The following RANBP2 variants were observed in gnomAD, a reference collection of about 807,000 sequenced individuals.
RANBP2 encodes the protein RAN binding protein 2.
In RANBP2, 57 loss-of-function variants were observed where a neutral mutation model predicts 303.6. The ratio of observed to expected loss-of-function variants is 0.19; its 90% CI spans 0.15 to 0.23. The LOEUF (loss-of-function observed/expected upper bound fraction) is 0.23, where lower values mean the gene tolerates loss of function less well. Ranked by LOEUF, RANBP2 falls within the 10% of genes least tolerant of loss-of-function variation. The probability of loss-of-function intolerance (pLI) is 1.00; values close to 1 mark genes in which losing one functional copy is unlikely to be tolerated. For missense variants in RANBP2, 3,138 were observed against 3,780.8 expected, an observed-to-expected ratio of 0.83 and a Z score of 4.46; for synonymous variants, 1,167 against 1,301.5, an observed-to-expected ratio of 0.90 and a Z score of 2.23.
chr2:108,930,967 C>G, the RANBP2 span: 1 of 1,613,916 alleles, frequency 6.2e-7, no homozygotes, highest in African/African-American at 1.3e-5. Flanking sequence ...CACTTACCAC[C>G]AGGACGGGGA....
chr2:108,818,580 AAGT>A, the RANBP2 span, among the ~76,000 whole-genome samples: 1 of 152,176 alleles, frequency 6.6e-6, no homozygotes, highest in Non-Finnish European at 1.5e-5. Flanking sequence ...ATAGAAGAGT[AAGT>A]AGTACCAGAT....
chr2:109,543,930 C>T, the RANBP2 span: 174 of 541,404 alleles, frequency 3.2e-4, 2 homozygotes, highest in South Asian at 3.9e-3. Context: ...CCACCTTATA[C>T]ATATAGCCTG....
At chr2:108,794,751 A>G in the RANBP2 span, 2 of 1,493,662 alleles carry the variant, frequency 1.3e-6, no homozygotes, top group South Asian at 1.2e-5. Context: ...TCGAGAATTC[A>G]GAAATATTTA....
chr2:108,741,668 G>A (rs1696104013), intron 7 of RANBP2, among the ~76,000 whole-genome samples: 1 of 150,312 alleles, frequency 6.7e-6, no homozygotes, highest in Non-Finnish European at 1.5e-5. Context: ...AGCATGCCCA[G>A]CTAATTTTTT....
the RANBP2 span, among the ~76,000 whole-genome samples, chr2:108,979,467 T>TCA: frequency 1.8e-4 from 27 of 147,224 alleles, no homozygotes; most frequent in Middle Eastern, 3.5e-3. Flanking sequence ...TCTCTCTCTC[T>TCA]CACACACACA....
At chr2:109,521,926 G>A in the RANBP2 span, among the ~76,000 whole-genome samples, 1 of 152,172 alleles carries the variant, frequency 6.6e-6, no homozygotes, top group African/African-American at 2.4e-5. Context: ...GGGAGGGAGG[G>A]GTCGCAGCTG....
the RANBP2 span, among the ~76,000 whole-genome samples, chr2:108,806,224 G>A: frequency 2.6e-5 from 4 of 152,102 alleles, no homozygotes; most frequent in African/African-American, 9.7e-5. Context: ...CTTTATCCAT[G>A]GAGAGATTGC....
the RANBP2 span, among the ~76,000 whole-genome samples, chr2:108,947,586 C>T: frequency 6.6e-6 from 1 of 152,204 alleles, no homozygotes; most frequent in Non-Finnish European, 1.5e-5. Flanking sequence ...GTCTTCTGCA[C>T]CCCCGCAGTC....
At chr2:109,475,371 C>T in the RANBP2 span, among the ~76,000 whole-genome samples, 1 of 152,338 alleles carries the variant, frequency 6.6e-6, no homozygotes, top group East Asian at 1.9e-4. Context: ...AAAGCAAACC[C>T]ACGCAAAGTG....
At chr2:108,787,708 G>T (rs952974053), downstream of RANBP2, among the ~76,000 whole-genome samples, 3 of 151,740 alleles carry the variant, frequency 2.0e-5, no homozygotes, top group Non-Finnish European at 4.4e-5. Flanking sequence ...TTTCTGTAAG[G>T]TTGTTTTTTT....
At chr2:109,344,686 C>T in the RANBP2 span, among the ~76,000 whole-genome samples, 1 of 152,160 alleles carries the variant, frequency 6.6e-6, no homozygotes, top group African/African-American at 2.4e-5. Flanking sequence ...GGAGGGTGCA[C>T]AGCCCTCTGG....
At chr2:109,686,321 T>C in the RANBP2 span, among the ~76,000 whole-genome samples, 2 of 151,944 alleles carry the variant, frequency 1.3e-5, no homozygotes, top group Admixed American at 6.6e-5. Flanking sequence ...TTTTAGTACT[T>C]TTTTTTTCTT....
chr2:109,520,456 C>T, the RANBP2 span, among the ~76,000 whole-genome samples: 5 of 151,470 alleles, frequency 3.3e-5, no homozygotes, highest in Non-Finnish European at 5.9e-5. Flanking sequence ...AAAAATTAGC[C>T]GGGGGTGGTG....
the RANBP2 span, among the ~76,000 whole-genome samples, chr2:109,319,043 C>T: frequency 1.3e-5 from 2 of 152,342 alleles, no homozygotes; most frequent in Admixed American, 6.5e-5. Flanking sequence ...GGCTCTCCAT[C>T]GATCCTGGTG....
At chr2:109,264,262 C>T in the RANBP2 span, among the ~76,000 whole-genome samples, 1 of 150,446 alleles carries the variant, frequency 6.6e-6, no homozygotes, top group Non-Finnish European at 1.5e-5. Flanking sequence ...CCAGGATCCA[C>T]CTCGAGTCTG....
chr2:109,543,809 G>GT, the RANBP2 span: 1 of 232,220 alleles, frequency 4.3e-6, no homozygotes, highest in Non-Finnish European at 8.4e-6. Context: ...TACAAGCTGA[G>GT]TATCCCTTAT....
chr2:109,114,252 C>T, the RANBP2 span, among the ~76,000 whole-genome samples: 5 of 152,050 alleles, frequency 3.3e-5, no homozygotes, highest in African/African-American at 9.7e-5. Context: ...TCGGTGAATC[C>T]ATCTGGTCCT....
chr2:109,015,279 G>C, the RANBP2 span, among the ~76,000 whole-genome samples: 6 of 151,770 alleles, frequency 4.0e-5, no homozygotes, highest in East Asian at 1.9e-4. Flanking sequence ...CCTTCTCTGC[G>C]ACCCAAGACA....
the RANBP2 span, among the ~76,000 whole-genome samples, chr2:109,519,928 T>C: frequency 6.6e-6 from 1 of 152,338 alleles, no homozygotes; most frequent in East Asian, 1.9e-4. Flanking sequence ...AAGGGTGGAC[T>C]GAAGCATCTG....
Sources: gnomAD v4.1 joint callset for allele counts (sites outside exome capture counted in the v4.1 genomes callset) on GRCh38, gnomAD v4.1.1 for gene constraint, MANE v1.5 for transcripts, NCBI Gene and HGNC (gene_info 2026-07-23, HGNC 2026-07-21) for gene names.